The following COL24A1 variants were observed in gnomAD, a reference collection of about 807,000 sequenced individuals.
The protein encoded by COL24A1 is collagen type XXIV alpha 1 chain.
A neutral mutation model predicts 253.9 loss-of-function variants in COL24A1; 224 were observed. The observed-to-expected ratio is 0.88, with a 90% CI of 0.79 to 0.99. The LOEUF (loss-of-function observed/expected upper bound fraction) is 0.99, where lower values mean the gene tolerates loss of function less well. Among genes scored for constraint, COL24A1 ranks in the 50% least tolerant of loss-of-function variants. The probability of loss-of-function intolerance (pLI) is 0.00; values close to 1 mark genes in which losing one functional copy is unlikely to be tolerated. For synonymous variants in COL24A1, 685 were observed against 673.7 expected (o/e 1.02, Z -0.26); for missense variants, 2,131 against 2,068.5 (o/e 1.03, Z -0.59).
In COL24A1 at chr1:85,838,655, C is replaced by A; in HGVS notation, c.3628-17G>T. 2 of 1,612,974 alleles carry A rather than the reference C, an allele frequency of 1.2e-6. No individual in the cohort carries two copies. Among genetic ancestry groups the A allele is most frequent in the Non-Finnish European group, 1.7e-6 (2 of 1,179,148 alleles). ...CACTGGACCCTACAGAGACCACACA[C>A]AAAACAATCAGTTTTACAGCTGGAT... On this transcript the variant is annotated splice_polypyrimidine_tract_variant and intron_variant, in intron 42 of 59. Coordinates refer to ENST00000370571, the MANE Select transcript of COL24A1 (RefSeq NM_152890.7).
At chr1:85,858,670 T>TCCTG in intron 37 of COL24A1, among the ~76,000 whole-genome samples, 1 of 149,824 alleles carries the variant, frequency 6.7e-6, no homozygotes, top group Non-Finnish European at 1.5e-5. Flanking sequence ...CTTCCTTCCT[T>TCCTG]CCTTCCTTCC....
At chr1:86,150,488 A>C (rs1216383535) in intron 1 of COL24A1, among the ~76,000 whole-genome samples, 1 of 152,158 alleles carries the variant, frequency 6.6e-6, no homozygotes, top group Non-Finnish European at 1.5e-5. Context: ...AATACAGGCA[A>C]TTTTAGTTAG....
At chr1:86,102,797 G>A (rs1168673246) in intron 5 of COL24A1, among the ~76,000 whole-genome samples, 4 of 152,136 alleles carry the variant, frequency 2.6e-5, no homozygotes, top group African/African-American at 7.2e-5. Context: ...TTTTACATCC[G>A]ATTGTGTGGT....
At chr1:85,747,296 T>C (rs540924493) in intron 55 of COL24A1, among the ~76,000 whole-genome samples, 6 of 151,708 alleles carry the variant, frequency 4.0e-5, no homozygotes, top group African/African-American at 1.4e-4. Flanking sequence ...GTATTTTTGG[T>C]AGAGATGGAG....
intron 19 of COL24A1, among the ~76,000 whole-genome samples, chr1:85,996,821 C>T (rs1342254047): frequency 2.6e-5 from 4 of 151,746 alleles, no homozygotes; most frequent in East Asian, 1.9e-4. Flanking sequence ...GATTCTCTCC[C>T]TTTCAATGTG....
chr1:85,876,070 A>G (rs1355704222), intron 33 of COL24A1, among the ~76,000 whole-genome samples: 1 of 152,026 alleles, frequency 6.6e-6, no homozygotes, highest in African/African-American at 2.4e-5. Flanking sequence ...AGAAATTGGC[A>G]TTTTATCCTA....
chr1:86,006,867 G>A (rs1696009933), intron 19 of COL24A1, among the ~76,000 whole-genome samples: 1 of 151,992 alleles, frequency 6.6e-6, no homozygotes, highest in African/African-American at 2.4e-5. Flanking sequence ...TGGTAAATAA[G>A]CATATGAACA....
intron 24 of COL24A1, among the ~76,000 whole-genome samples, chr1:85,918,904 C>T (rs1558650730): frequency 6.6e-6 from 1 of 152,154 alleles, no homozygotes; most frequent in Non-Finnish European, 1.5e-5. Context: ...AAGGATTATA[C>T]CTCCCTATGC....
chr1:85,938,604 A>G (rs1688441583), intron 24 of COL24A1, among the ~76,000 whole-genome samples: 2 of 145,990 alleles, frequency 1.4e-5, no homozygotes, highest in African/African-American at 5.0e-5. Flanking sequence ...CTAGGACAGC[A>G]TCTCCCTAAA....
chr1:85,778,023 C>CTCTGTCTA (rs1553173099), intron 52 of COL24A1, among the ~76,000 whole-genome samples: 3 of 149,130 alleles, frequency 2.0e-5, no homozygotes, highest in Admixed American at 6.7e-5. Context: ...ATGTCTCTAT[C>CTCTGTCTA]TCTATCTATC....
At chr1:86,067,607 T>C (rs1356334176) in intron 7 of COL24A1, among the ~76,000 whole-genome samples, 4 of 152,218 alleles carry the variant, frequency 2.6e-5, no homozygotes, top group Admixed American at 2.6e-4. Context: ...AATGTTGAAA[T>C]GAAAGGTGAT....
At chr1:86,151,739 CTTTTGCT>C (rs553586605) in intron 1 of COL24A1, among the ~76,000 whole-genome samples, 26 of 152,288 alleles carry the variant, frequency 1.7e-4, no homozygotes, top group Admixed American at 1.7e-3. Flanking sequence ...TCCGAGGGAT[CTTTTGCT>C]TAGGGTACCC....
At chr1:85,838,516 G>T in intron 43 of COL24A1, 69 bp downstream of exon 43, 1 of 1,392,620 alleles carries the variant, frequency 7.2e-7, no homozygotes. Flanking sequence ...TAATGGAATG[G>T]AAAAAATGGA....
chr1:85,801,963 T>C (rs1671473213), intron 47 of COL24A1, among the ~76,000 whole-genome samples: 1 of 151,846 alleles, frequency 6.6e-6, no homozygotes, highest in African/African-American at 2.4e-5. Flanking sequence ...CTCCCTCATG[T>C]CTCCCAATCA....
chr1:85,948,858 T>TA (rs1056776434), intron 24 of COL24A1, among the ~76,000 whole-genome samples: 8 of 151,122 alleles, frequency 5.3e-5, no homozygotes, highest in Non-Finnish European at 1.2e-4. Context: ...ATATATATAT[T>TA]AAAAAAAATC....
At chr1:85,906,005 G>A (rs2102884465) in intron 28 of COL24A1, among the ~76,000 whole-genome samples, 1 of 152,002 alleles carries the variant, frequency 6.6e-6, no homozygotes, top group African/African-American at 2.4e-5. Context: ...ATGGCAGTTT[G>A]GGTACAAATC....
At chr1:86,006,002 T>A (rs963627912) in intron 19 of COL24A1, among the ~76,000 whole-genome samples, 6 of 152,162 alleles carry the variant, frequency 3.9e-5, no homozygotes, top group Admixed American at 3.9e-4. Flanking sequence ...TAATACTTAG[T>A]TATGAACCTA....
chr1:85,853,614 T>G (rs1394601413), intron 37 of COL24A1, among the ~76,000 whole-genome samples: 1 of 152,110 alleles, frequency 6.6e-6, no homozygotes, highest in East Asian at 1.9e-4. Flanking sequence ...CACTTTTCTC[T>G]GCAACTTCAC....
chr1:86,028,224 G>GAAA (rs1186426828), intron 14 of COL24A1, among the ~76,000 whole-genome samples: 4 of 152,172 alleles, frequency 2.6e-5, no homozygotes, highest in Admixed American at 1.3e-4. Context: ...TAGAACTTTG[G>GAAA]GGGACTGTCG....
Sources: gnomAD v4.1 joint callset for allele counts (sites outside exome capture counted in the v4.1 genomes callset) on GRCh38, gnomAD v4.1.1 for gene constraint, MANE v1.5 for transcripts, NCBI Gene and HGNC (gene_info 2026-07-23, HGNC 2026-07-21) for gene names.